Variants in LRRTM4 observed in about 807,000 individuals in gnomAD.
LRRTM4 encodes leucine-rich repeat transmembrane neuronal protein 4.
A neutral mutation model predicts 47.6 loss-of-function variants in LRRTM4; 25 were observed. The observed-to-expected ratio is 0.53, with a 90% CI of 0.38 to 0.73. The LOEUF is 0.73. Ranked by LOEUF, LRRTM4 falls within the 30% of genes least tolerant of loss-of-function variation. The probability of loss-of-function intolerance (pLI) is 0.00; values close to 1 mark genes in which losing one functional copy is unlikely to be tolerated. For missense variants in LRRTM4, 638 were observed against 713.4 expected, an observed-to-expected ratio of 0.89 and a Z score of 1.20; for synonymous variants, 311 against 269.5, an observed-to-expected ratio of 1.15 and a Z score of -1.51.
rs530703414 is a variant in LRRTM4, at chr2:76,995,928, T to C, written c.1552-247012A>G. On this transcript the variant is annotated intron_variant, in intron 3 of 3. Transcript: ENST00000409884. The stretch of plus-strand genomic sequence containing the variant: ...GAGAAAAAAACTAGTAACTTAAGAA[T>C]ACTATTTAAAAAACTCAGGGAGAAA... Among the ~76,000 whole-genome samples the C allele has an allele frequency of 1.6e-4, 25 of 152,196 alleles. No homozygotes were observed. The East Asian group carries it at 3.1e-3, about 19-fold the overall frequency.
intron 3 of LRRTM4, among the ~76,000 whole-genome samples, chr2:76,969,018 T>C (rs768816955): frequency 1.8e-4 from 28 of 151,900 alleles, no homozygotes; most frequent in Non-Finnish European, 3.2e-4. Flanking sequence ...CCAAAAGGCT[T>C]TCCTCTCCTC....
chr2:76,807,983 T>C, intron 3 of LRRTM4, among the ~76,000 whole-genome samples: 1 of 149,340 alleles, frequency 6.7e-6, no homozygotes, highest in Non-Finnish European at 1.5e-5. Flanking sequence ...CCTTCCCTTC[T>C]TTCTTTTCTT....
At chr2:77,246,848 CATAT>C (rs1180412753) in intron 3 of LRRTM4, among the ~76,000 whole-genome samples, 4 of 151,932 alleles carry the variant, frequency 2.6e-5, no homozygotes, top group African/African-American at 7.2e-5. Context: ...TACATATATG[CATAT>C]ATAGACATAT....
At chr2:77,252,428 A>G (rs3943682) in intron 3 of LRRTM4, among the ~76,000 whole-genome samples, 27,252 of 152,028 alleles carry the variant, frequency 0.18, 3,712 homozygotes, top group African/African-American at 0.37. Flanking sequence ...TAACCAACTT[A>G]GTGACACAAC....
intron 3 of LRRTM4, among the ~76,000 whole-genome samples, chr2:77,464,261 C>A (rs1286757390): frequency 6.6e-6 from 1 of 151,960 alleles, no homozygotes; most frequent in Admixed American, 6.6e-5. Context: ...CCCTGGAATG[C>A]AAGTTTAGGT....
chr2:77,212,474 T>G (rs11126594), intron 3 of LRRTM4, among the ~76,000 whole-genome samples: 88,133 of 136,752 alleles, frequency 0.64, 28,789 homozygotes, highest in East Asian at 0.72. Flanking sequence ...TATATATATA[T>G]AGAGAGAGAG....
Position 77,191,320 on chromosome 2 carries a change from A to G in LRRTM4, c.1551+326998T>C, listed in dbSNP as rs1673664313. Among the ~76,000 whole-genome samples the G allele has an allele frequency of 2.0e-5, 3 of 152,076 alleles. No homozygotes were observed. In the South Asian group the frequency reaches 6.2e-4, roughly 31 times the overall value. On this transcript the variant is annotated intron_variant, in intron 3 of 3. Coordinates refer to ENST00000409884, the MANE Select transcript of LRRTM4 (RefSeq NM_001134745.3). ...ATCTTAAATAAGGCTAATAAATCAA[A>G]AATAACAAGAACACAGTATATGGAA...
chr2:77,270,795 T>C (rs1676170781), intron 3 of LRRTM4, among the ~76,000 whole-genome samples: 1 of 152,232 alleles, frequency 6.6e-6, no homozygotes, highest in East Asian at 1.9e-4. Context: ...TGTGTCTTCC[T>C]GTTTGGTGCA....
chr2:77,000,158 C>T (rs1457253213), intron 3 of LRRTM4, among the ~76,000 whole-genome samples: 3 of 111,858 alleles, frequency 2.7e-5, no homozygotes, highest in African/African-American at 3.5e-5. Flanking sequence ...AAAGTATGTC[C>T]GTAGATGGAA....
chr2:77,486,971 G>A (rs557278062), intron 3 of LRRTM4, among the ~76,000 whole-genome samples: 15 of 152,306 alleles, frequency 9.8e-5, no homozygotes, highest in South Asian at 8.3e-4. Flanking sequence ...TTCTACTTGT[G>A]CACATAATTT....
chr2:76,810,907 G>T (rs1424692806), intron 3 of LRRTM4, among the ~76,000 whole-genome samples: 1 of 151,914 alleles, frequency 6.6e-6, no homozygotes, highest in Non-Finnish European at 1.5e-5. Context: ...ACATACTGTG[G>T]GTTATTCTGA....
At chr2:77,347,208 G>A (rs1291611341) in intron 3 of LRRTM4, among the ~76,000 whole-genome samples, 1 of 152,098 alleles carries the variant, frequency 6.6e-6, no homozygotes, top group Non-Finnish European at 1.5e-5. Flanking sequence ...CCGTCACTAC[G>A]GCCTCCTGTT....
intron 3 of LRRTM4, among the ~76,000 whole-genome samples, chr2:77,280,955 A>C (rs2104099475): frequency 6.6e-6 from 1 of 152,094 alleles, no homozygotes; most frequent in Middle Eastern, 3.4e-3. Context: ...CCCTGTCTGT[A>C]GTGTCTCTAA....
At chr2:76,868,284 G>A (rs1448139370) in intron 3 of LRRTM4, among the ~76,000 whole-genome samples, 1 of 152,106 alleles carries the variant, frequency 6.6e-6, no homozygotes, top group Non-Finnish European at 1.5e-5. Flanking sequence ...GTTTATGAAT[G>A]TGTCAGACAT....
chr2:76,902,465 G>T (rs924197924), intron 3 of LRRTM4, among the ~76,000 whole-genome samples: 1 of 152,042 alleles, frequency 6.6e-6, no homozygotes, highest in African/African-American at 2.4e-5. Flanking sequence ...ACCTTACCAT[G>T]ACCAGAGATT....
intron 3 of LRRTM4, among the ~76,000 whole-genome samples, chr2:77,044,959 A>C (rs1312913896): frequency 6.6e-6 from 1 of 151,826 alleles, no homozygotes; most frequent in African/African-American, 2.4e-5. Flanking sequence ...GGCACAAATG[A>C]GACATATATC....
At chr2:77,407,658 T>TA in intron 3 of LRRTM4, among the ~76,000 whole-genome samples, 1 of 125,890 alleles carries the variant, frequency 7.9e-6, no homozygotes, top group Non-Finnish European at 1.6e-5. Flanking sequence ...TATTATATAA[T>TA]TATATATAAT....
At chr2:76,803,727 A>G (rs1001669765) in intron 3 of LRRTM4, among the ~76,000 whole-genome samples, 3 of 152,162 alleles carry the variant, frequency 2.0e-5, no homozygotes, top group African/African-American at 7.2e-5. Flanking sequence ...ACAAGTTACA[A>G]GGGTTAACAC....
intron 3 of LRRTM4, among the ~76,000 whole-genome samples, chr2:77,105,497 C>A (rs113442145): frequency 2.2e-4 from 24 of 106,726 alleles, no homozygotes; most frequent in African/African-American, 8.6e-4. Context: ...CATCACACAC[C>A]GGGGCCTGTT....
Sources: gnomAD v4.1 joint callset for allele counts (sites outside exome capture counted in the v4.1 genomes callset) on GRCh38, gnomAD v4.1.1 for gene constraint, MANE v1.5 for transcripts, NCBI Gene and HGNC (gene_info 2026-07-23, HGNC 2026-07-21) for gene names.